The following MED27 variants were observed in gnomAD, a reference collection of about 807,000 sequenced individuals.
MED27 encodes mediator of RNA polymerase II transcription subunit 27.
In MED27, 30 loss-of-function variants were observed where a neutral mutation model predicts 38.2. The ratio of observed to expected loss-of-function variants is 0.79; its 90% CI spans 0.59 to 1.07. The LOEUF (loss-of-function observed/expected upper bound fraction) is 1.07, where lower values mean the gene tolerates loss of function less well. Ranked by LOEUF, MED27 falls within the 50% of genes least tolerant of loss-of-function variation. The pLI is 0.00. For missense variants in MED27, 289 were observed against 397.5 expected (o/e 0.73, Z 2.32); for synonymous variants, 122 against 153.5 (o/e 0.79, Z 1.52).
At chr9:131,981,384 C>A (rs1831733010) in intron 3 of MED27, among the ~76,000 whole-genome samples, 1 of 152,138 alleles carries the variant, frequency 6.6e-6, no homozygotes, top group African/African-American at 2.4e-5. Context: ...CCCATGTGCT[C>A]AAATGAAACT....
intron 4 of MED27, among the ~76,000 whole-genome samples, chr9:131,919,811 CT>C (rs34501268): frequency 2.7e-3 from 388 of 141,558 alleles, no homozygotes; most frequent in African/African-American, 3.2e-3. Flanking sequence ...ATTCTTCTTC[CT>C]TTTTTTTTTT....
intron 3 of MED27, among the ~76,000 whole-genome samples, chr9:131,955,209 A>C (rs1831072834): frequency 6.6e-6 from 1 of 152,218 alleles, no homozygotes; most frequent in African/African-American, 2.4e-5. Context: ...TCACAAGAGA[A>C]ATTAGAAAAT....
In MED27 at chr9:131,889,949, C is replaced by A. The variant is rs184597771; in HGVS notation, c.681+3936G>T. ...AACGCAGGCTGCGTCCCGGGAGCAGCGACGTCTCCAGCAACAACGTGCTCT... is the reference window on the plus strand; with the variant it reads ...AACGCAGGCTGCGTCCCGGGAGCAGAGACGTCTCCAGCAACAACGTGCTCT... On this transcript the variant is annotated intron_variant, in intron 5 of 7. Coordinates refer to ENST00000292035, the MANE Select transcript of MED27 (RefSeq NM_004269.4). The surrounding 1 kb of genome is among the most constrained non-coding windows in gnomAD (Gnocchi z 4.2). Among the ~76,000 whole-genome samples the A allele has an allele frequency of 1.8e-4, 28 of 152,306 alleles. No homozygotes were observed. The highest frequency in any genetic ancestry group is 6.8e-3 in the Middle Eastern group (2 of 294).
intron 2 of MED27, among the ~76,000 whole-genome samples, chr9:132,074,443 T>A (rs1294443072): frequency 6.6e-6 from 1 of 152,236 alleles, no homozygotes; most frequent in African/African-American, 2.4e-5. Flanking sequence ...GCCTTTCTCA[T>A]ATGTCCTTCA....
chr9:132,077,272 A>G (rs1021036587), intron 2 of MED27, among the ~76,000 whole-genome samples, 170 bp downstream of exon 2: 6 of 152,252 alleles, frequency 3.9e-5, no homozygotes, highest in Admixed American at 3.3e-4. Context: ...AAAGACTTCA[A>G]AGGACTACAA....
chr9:131,949,575 C>T (rs530032926), intron 3 of MED27, among the ~76,000 whole-genome samples: 25 of 152,222 alleles, frequency 1.6e-4, no homozygotes, highest in East Asian at 3.9e-4. Flanking sequence ...ATTAGGTCTG[C>T]GAGGATTCCT....
intron 6 of MED27, among the ~76,000 whole-genome samples, chr9:131,871,707 G>C (rs1245257339): frequency 6.6e-6 from 1 of 152,038 alleles, no homozygotes; most frequent in Non-Finnish European, 1.5e-5. Flanking sequence ...ACACCCCCAC[G>C]CCTGGCTAGT....
chr9:131,971,634 C>G (rs1831479452), intron 3 of MED27, among the ~76,000 whole-genome samples: 1 of 152,082 alleles, frequency 6.6e-6, no homozygotes, highest in Admixed American at 6.5e-5. Flanking sequence ...CGGACCTGGG[C>G]CCCGTTAGTG....
intron 2 of MED27, among the ~76,000 whole-genome samples, chr9:132,068,054 A>G (rs1307390982): frequency 6.6e-6 from 1 of 152,154 alleles, no homozygotes; most frequent in Admixed American, 6.5e-5. Flanking sequence ...AGTTTTCATA[A>G]TAAAAAGGGT....
intron 5 of MED27, among the ~76,000 whole-genome samples, chr9:131,893,005 G>C (rs1359710744): frequency 6.6e-6 from 1 of 152,172 alleles, no homozygotes; most frequent in Non-Finnish European, 1.5e-5. Flanking sequence ...ATTATATCAC[G>C]GGCTGTGCTT....
At chr9:131,908,127 G>A (rs1015937812) in intron 4 of MED27, among the ~76,000 whole-genome samples, 3 of 110,572 alleles carry the variant, frequency 2.7e-5, no homozygotes, top group African/African-American at 5.4e-5. Flanking sequence ...GGAGGGAGGT[G>A]GGGGGGTCAG....
In MED27 at chr9:131,907,246, C is replaced by T. The variant is rs368451524; in HGVS notation, c.574-13254G>A. Among the ~76,000 whole-genome samples, 143 of 152,266 alleles carry T rather than the reference C, an allele frequency of 9.4e-4. 1 individual carries two copies. The East Asian group carries it at 0.024, about 26-fold the overall frequency. ...CCACGGTCTCCCTCTCCCTCTCTTT[C>T]CACGGTCTCCCTCTGATGCCGAGCC... On this transcript the variant is annotated intron_variant, in intron 4 of 7. Transcript: ENST00000292035.
chr9:131,878,806 C>T (rs1838983545), intron 6 of MED27, among the ~76,000 whole-genome samples: 2 of 152,140 alleles, frequency 1.3e-5, no homozygotes, highest in Admixed American at 6.6e-5. Flanking sequence ...TGTGATTCTG[C>T]CCTTTCAGAT....
intron 2 of MED27, among the ~76,000 whole-genome samples, chr9:132,030,777 A>C (rs756625489): frequency 1.3e-5 from 2 of 152,268 alleles, no homozygotes; most frequent in Non-Finnish European, 2.9e-5. Flanking sequence ...TGAACACGGC[A>C]GAATGAAGTC....
At chr9:131,977,722 G>T (rs1423507763) in intron 3 of MED27, among the ~76,000 whole-genome samples, 1 of 152,146 alleles carries the variant, frequency 6.6e-6, no homozygotes, top group African/African-American at 2.4e-5. Flanking sequence ...AAAAATAATT[G>T]TTATGTTCAT....
intron 3 of MED27, among the ~76,000 whole-genome samples, chr9:131,956,175 T>A (rs1350107186): frequency 6.6e-6 from 1 of 151,984 alleles, no homozygotes; most frequent in East Asian, 1.9e-4. Context: ...CAGAAAAAAA[T>A]AAATACTGTC....
At chr9:131,880,522 C>T (rs1013699665) in intron 6 of MED27, among the ~76,000 whole-genome samples, 19 of 152,194 alleles carry the variant, frequency 1.2e-4, no homozygotes, top group African/African-American at 4.1e-4. Flanking sequence ...GTGAAAGGAG[C>T]GATGATAAAG....
chr9:131,889,985 A>G lies in MED27; in HGVS notation c.681+3900T>C, dbSNP rs1273803776. 1.3e-5 allele frequency among the ~76,000 whole-genome samples: 2 copies of G among 152,216 alleles called. No homozygotes were observed. Among genetic ancestry groups the G allele is most frequent in the African/African-American group, 2.4e-5 (1 of 41,446 alleles). On this transcript the variant is annotated intron_variant, in intron 5 of 7. Transcript: ENST00000292035. This position sits in a 1 kb window ranked among gnomAD's most constrained non-coding sequence, Gnocchi z 4.2. ...GCAACAACGTGCTCTTGTAGAACACATGTCAGGCCCCAAGGGCTCCTTCCA... is the reference window on the plus strand; with the variant it reads ...GCAACAACGTGCTCTTGTAGAACACGTGTCAGGCCCCAAGGGCTCCTTCCA...
chr9:131,930,651 G>C (rs1830567958), intron 4 of MED27, among the ~76,000 whole-genome samples: 2 of 152,136 alleles, frequency 1.3e-5, no homozygotes, highest in African/African-American at 4.8e-5. Context: ...GGATGTAAAT[G>C]AGCAATAAGA....
Sources: allele counts gnomAD v4.1 joint callset (sites outside exome capture counted in the v4.1 genomes callset), GRCh38; gene constraint gnomAD v4.1.1; non-coding constraint Gnocchi (gnomAD v3.1); transcripts MANE v1.5; gene names NCBI Gene and HGNC (gene_info 2026-07-23, HGNC 2026-07-21).